NOX5: variants seen among roughly 807,000 people sequenced by gnomAD.
NOX5 encodes the protein NADPH oxidase 5, also known as NADPH oxidase, EF-hand calcium binding domain 5.
NOX5 carries 76 observed loss-of-function variants against 85.7 expected under a neutral mutation model. That is an observed-to-expected ratio of 0.89 (90% CI 0.74 to 1.07). The LOEUF is 1.07. Ranked by LOEUF, NOX5 falls within the 50% of genes least tolerant of loss-of-function variation. The pLI is 0.00. For synonymous variants in NOX5, 405 were observed against 401.4 expected (o/e 1.01, Z -0.11); for missense variants, 973 against 999.5 (o/e 0.97, Z 0.36).
intron 9 of NOX5, among the ~76,000 whole-genome samples, chr15:69,039,219 A>G (rs2050561595): frequency 6.6e-6 from 1 of 152,180 alleles, no homozygotes; most frequent in South Asian, 2.1e-4. Context: ...GGTGGAGAGA[A>G]GCCTTTGCAG....
Position 69,056,666 on chromosome 15 carries a change from C to A in NOX5, c.2268C>A (p.Phe756Leu), listed in dbSNP as rs373378260. The A allele has an allele frequency of 6.2e-7, 1 of 1,613,798 alleles. No individual in the cohort carries two copies. The highest frequency in any genetic ancestry group is 1.1e-5 in the South Asian group (1 of 91,052). ...AKVLKGHCEK[F>L]GFRFFQENF is the part of the protein sequence containing the mutation. ...TGCTGAAGGGCCATTGTGAGAAGTT[C>A]GGCTTCAGATTTTTCCAAGAGAATT... Residue 756 changes from phenylalanine (F) to leucine (L), a missense_variant, in exon 16 of 16, where the codon TTC becomes TTA. By Grantham distance (22) the Phe-to-Leu change is conservative. Coordinates refer to ENST00000388866, the MANE Select transcript of NOX5 (RefSeq NM_024505.4).
At chr15:69,031,181 C>G in intron 3 of NOX5, 1 of 356,218 alleles carries the variant, frequency 2.8e-6, no homozygotes, top group Admixed American at 4.4e-5. Flanking sequence ...TCCCTCAGCG[C>G]TAACCCACAT....
At chr15:69,035,966 C>G in intron 7 of NOX5, 30 bp downstream of exon 7, 1 of 1,612,626 alleles carries the variant, frequency 6.2e-7, no homozygotes, top group Non-Finnish European at 8.5e-7. Flanking sequence ...TTTGCTTCCC[C>G]CAAGGCCAGG....
Position 69,024,867 on chromosome 15 carries a change from C to CT in NOX5, c.51-1654dup, listed in dbSNP as rs575963331. ...AATTGAAATAAATGTATCATTTTGA[C>CT]TTTTTTTGGTTTTCTAATACCTTAA... On this transcript the variant is annotated intron_variant, in intron 1 of 15. Transcript: ENST00000388866. Among the ~76,000 whole-genome samples, 374 of 152,024 alleles carry CT rather than the reference C, an allele frequency of 2.5e-3. 3 individuals are homozygous for CT. Among genetic ancestry groups the CT allele is most frequent in the African/African-American group, 8.8e-3 (366 of 41,442 alleles).
At chr15:69,035,732 C>G in intron 6 of NOX5, 26 bp from the exon 7 acceptor site, 1 of 1,608,580 alleles carries the variant, frequency 6.2e-7, no homozygotes, top group Non-Finnish European at 8.5e-7. Context: ...CTTGCAGTCA[C>G]TCAACCTTTC....
At chr15:69,045,536 T>TTTTCTTTCTTGCTTTCTTTCTTTC (rs1555437205) in intron 10 of NOX5, among the ~76,000 whole-genome samples, 2 of 94,470 alleles carry the variant, frequency 2.1e-5, no homozygotes, top group Non-Finnish European at 3.8e-5. Flanking sequence ...TTCCTTTCTT[T>TTTTCTTTCTTGCTTTCTTTCTTTC]TTTCTTTCTT....
intron 1 of NOX5, among the ~76,000 whole-genome samples, chr15:69,025,338 G>A (rs941464040): frequency 1.3e-5 from 2 of 152,136 alleles, no homozygotes; most frequent in African/African-American, 2.4e-5. Context: ...AGAGAGCACC[G>A]CAACATTATG....
intron 11 of NOX5, 174 bp downstream of exon 11, chr15:69,047,040 T>C (rs1172586323): frequency 7.6e-6 from 5 of 658,134 alleles, no homozygotes; most frequent in Non-Finnish European, 1.3e-5. Context: ...CCCTGCTCTT[T>C]ATATCCAAGG....
At chr15:69,028,463 G>T in intron 3 of NOX5, 98 bp downstream of exon 3, 12 of 1,249,902 alleles carry the variant, frequency 9.6e-6, no homozygotes, top group Non-Finnish European at 1.3e-5. Context: ...GTGCCATCCC[G>T]GCCTCCTGAG....
In NOX5 at chr15:69,035,905, G is replaced by T; in HGVS notation, c.1157G>T (p.Ser386Ile). ...CTCCTCCTCATGTTCATCTGCTCCA[G>T]TTCCTGCATCCGCAGGAGTGGCCAC... ...LLLLLMFICS[S>I]SCIRRSGHFE... The change falls in exon 7 of 16, where the codon AGT becomes ATT. Residue 386 changes from serine (S) to isoleucine (I), a missense_variant. Physicochemically the swap from Ser to Ile is moderately radical, Grantham distance 142 (BLOSUM62 -2). Transcript: ENST00000388866. 1 of 1,614,188 alleles carries T rather than the reference G, an allele frequency of 6.2e-7. No homozygotes were observed.
rs1403492889 is a variant in NOX5 at position 69,060,838 on chromosome 15, TGGGCCCAGACAGCCCTTATCTGTTGG to T, written c.*4152_*4177del. 1 of 152,246 alleles carries T rather than the reference TGGGCCCAGACAGCCCTTATCTGTTGG, an allele frequency of 6.6e-6. No individual in the cohort carries two copies. Among genetic ancestry groups the T allele is most frequent in the Non-Finnish European group, 1.5e-5 (1 of 68,042 alleles). The allele number at this position is 152,246 out of a possible 1,614,324, so 9.4% of individuals were successfully genotyped here. The stretch of plus-strand genomic sequence containing the variant: ...GTTAGAAGCCAGCCTTAATCTGTCT[TGGGCCCAGACAGCCCTTATCTGTTGG>T]GGGCCCAGATGTGTCTACAGCATTG... On this transcript the variant is annotated 3_prime_UTR_variant, in exon 16 of 16. Coordinates refer to ENST00000388866, the MANE Select transcript of NOX5 (RefSeq NM_024505.4).
chr15:69,044,098 C>T lies in NOX5; in HGVS notation c.1647+1293C>T, dbSNP rs1026840335. On this transcript the variant is annotated intron_variant, in intron 10 of 15. Coordinates refer to ENST00000388866, the MANE Select transcript of NOX5 (RefSeq NM_024505.4). Reference sequence around the variant, plus strand: ...ACTCGGGAGGCTGGGGCAGGAGAATCTCTTGAACCCAGGAGGCAGAGGTTG... The same window carrying T: ...ACTCGGGAGGCTGGGGCAGGAGAATTTCTTGAACCCAGGAGGCAGAGGTTG... Among the ~76,000 whole-genome samples, 3 of 151,972 alleles carry T rather than the reference C, an allele frequency of 2.0e-5. No homozygotes were observed. The East Asian group carries it at 5.8e-4, about 29-fold the overall frequency.
At chr15:69,020,611 G>A (rs967997044) in intron 1 of NOX5, among the ~76,000 whole-genome samples, 5 of 151,268 alleles carry the variant, frequency 3.3e-5, no homozygotes, top group African/African-American at 9.7e-5. Flanking sequence ...AGATGGTAAA[G>A]ATGTAAATAA....
Position 69,055,469 on chromosome 15 carries a change from G to A in NOX5, c.2135G>A (p.Arg712His), listed in dbSNP as rs144201182. The A allele has an allele frequency of 4.4e-4, 705 of 1,613,988 alleles. No homozygotes were observed. The highest frequency in any genetic ancestry group is 5.7e-4 in the Non-Finnish European group (678 of 1,180,048). ...GACTCCATCACGGGGCTGCAGACGC[G>A]CACCCAGCCTGGGCGGCCTGACTGG... ...KKDSITGLQTRTQPGRPDWSK... is the reference protein window; with the variant it reads ...KKDSITGLQTHTQPGRPDWSK... Residue 712 changes from arginine to histidine, a missense_variant, in exon 15 of 16, where the codon CGC becomes CAC. Transcript: ENST00000388866.
intron 15 of NOX5, 36 bp downstream of exon 15, chr15:69,055,536 G>T (rs776260748): frequency 6.2e-7 from 1 of 1,603,050 alleles, no homozygotes; most frequent in Non-Finnish European, 8.5e-7. Context: ...TTGCAGGTAT[G>T]GATGAAGCTG....
intron 14 of NOX5, among the ~76,000 whole-genome samples, chr15:69,052,549 T>C (rs1477206491): frequency 6.6e-6 from 1 of 152,254 alleles, no homozygotes; most frequent in African/African-American, 2.4e-5. Flanking sequence ...TTGAGTTCAT[T>C]AGAACTAGAT....
At chr15:69,026,778 T>G in intron 2 of NOX5, 127 bp downstream of exon 2, 1 of 1,301,908 alleles carries the variant, frequency 7.7e-7, no homozygotes, top group East Asian at 2.4e-5. Flanking sequence ...TGTAGCGGGC[T>G]GGCGGGATGT....
chr15:69,053,829 A>C (rs1567109167), intron 14 of NOX5, among the ~76,000 whole-genome samples: 1 of 152,094 alleles, frequency 6.6e-6, no homozygotes, highest in Non-Finnish European at 1.5e-5. Flanking sequence ...GGTAAGAAGC[A>C]GGGGGTCCCC....
At chr15:69,052,337 T>C (rs1400481233) in intron 14 of NOX5, among the ~76,000 whole-genome samples, 1 of 152,250 alleles carries the variant, frequency 6.6e-6, no homozygotes, top group African/African-American at 2.4e-5. Context: ...ACTCTCATCA[T>C]TGTTAAGTAT....
Sources: gnomAD v4.1 joint callset for allele counts (sites outside exome capture counted in the v4.1 genomes callset) on GRCh38, gnomAD v4.1.1 for gene constraint, MANE v1.5 for transcripts, NCBI Gene and HGNC (gene_info 2026-07-23, HGNC 2026-07-21) for gene names.